The following ADGRL3 variants were observed in gnomAD, a reference collection of about 807,000 sequenced individuals.
The protein encoded by ADGRL3 is calcium-independent alpha-latrotoxin receptor 3.
Under a neutral mutation model 153.5 loss-of-function variants are expected in ADGRL3, and 62 were observed. That is an observed-to-expected ratio of 0.40 (90% CI 0.33 to 0.50). The LOEUF is 0.50. ADGRL3 is among the 20% of genes least tolerant of loss of function. ADGRL3 has a pLI of 0.47. For synonymous variants in ADGRL3, 710 were observed against 672.5 expected, an observed-to-expected ratio of 1.06 and a Z score of -0.86; for missense variants, 1,641 against 1,859.4, an observed-to-expected ratio of 0.88 and a Z score of 2.16.
intron 4 of ADGRL3, among the ~76,000 whole-genome samples, chr4:61,524,997 TACA>T (rs1173763988): frequency 1.3e-5 from 2 of 152,080 alleles, no homozygotes; most frequent in African/African-American, 2.4e-5. Flanking sequence ...TTCTTGTGCC[TACA>T]ACATCTATGG....
chr4:61,636,915 A>G (rs1292048734), intron 5 of ADGRL3, among the ~76,000 whole-genome samples: 1 of 152,088 alleles, frequency 6.6e-6, no homozygotes, highest in Non-Finnish European at 1.5e-5. Flanking sequence ...ATAAAAGTAA[A>G]ACGTAACAGT....
At chr4:61,733,756 C>G (rs1253572453) in intron 8 of ADGRL3, among the ~76,000 whole-genome samples, 1 of 152,150 alleles carries the variant, frequency 6.6e-6, no homozygotes, top group Non-Finnish European at 1.5e-5. Flanking sequence ...GTAGACTCTC[C>G]TTTGTTCTGC....
At chr4:61,270,587 G>A (rs146666512) in intron 1 of ADGRL3, among the ~76,000 whole-genome samples, 8 of 151,848 alleles carry the variant, frequency 5.3e-5, no homozygotes, top group African/African-American at 1.7e-4. Flanking sequence ...ATAACATAGC[G>A]ATACATTAGA....
rs1407987179 is a variant in ADGRL3 at position 61,669,705 on chromosome 4, TG to T, written c.474-7120del. ...TGTGTTTTTGCATAGCACATGCTTT[TG>T]TATAATATTATTTAATAAGTGCTAA... On this transcript the variant is annotated intron_variant, in intron 5 of 26. Transcript: ENST00000683033. 2.3e-4 allele frequency among the ~76,000 whole-genome samples: 35 copies of T among 152,336 alleles called. 2 individuals are homozygous for T. The highest frequency in any genetic ancestry group is 8.2e-4 in the African/African-American group (34 of 41,580).
intron 21 of ADGRL3, among the ~76,000 whole-genome samples, chr4:62,003,953 G>A (rs1306605719): frequency 1.3e-5 from 2 of 151,990 alleles, no homozygotes; most frequent in Non-Finnish European, 2.9e-5. Flanking sequence ...CTTCTGAATC[G>A]CTTCAGGGAT....
intron 2 of ADGRL3, among the ~76,000 whole-genome samples, chr4:61,483,713 G>C (rs2098157484): frequency 6.6e-6 from 1 of 151,720 alleles, no homozygotes; most frequent in African/African-American, 2.4e-5. Context: ...CTCCAGCCTG[G>C]GCAACAAGAG....
chr4:61,758,817 C>A lies in ADGRL3; in HGVS notation c.1399+25263C>A, dbSNP rs187185590. On this transcript the variant is annotated intron_variant, in intron 8 of 26. Transcript: ENST00000683033. ...TGGCATGATTTTGCAGTGGCTGGAA[C>A]CGCTTGTTCCTTTCCATGTTTAGTG... 2.9e-3 allele frequency among the ~76,000 whole-genome samples: 438 copies of A among 152,292 alleles called. 1 individual carries two copies. Among genetic ancestry groups the A allele is most frequent in the African/African-American group, 0.01 (421 of 41,562 alleles).
At chr4:61,801,795 C>G (rs918589506) in intron 8 of ADGRL3, among the ~76,000 whole-genome samples, 1 of 152,064 alleles carries the variant, frequency 6.6e-6, no homozygotes, top group Non-Finnish European at 1.5e-5. Flanking sequence ...AGTATATTAT[C>G]AAGACACAAC....
intron 8 of ADGRL3, among the ~76,000 whole-genome samples, chr4:61,766,993 G>A (rs1227540819): frequency 2.6e-5 from 4 of 152,050 alleles, no homozygotes; most frequent in Non-Finnish European, 5.9e-5. Context: ...GCTGTAGCAG[G>A]CGAGTGATAA....
At chr4:61,219,054 GC>G (rs370523573) in intron 1 of ADGRL3, among the ~76,000 whole-genome samples, 60 of 152,278 alleles carry the variant, frequency 3.9e-4, no homozygotes, top group African/African-American at 1.3e-3. Flanking sequence ...CTAAGCCACT[GC>G]CCTACTGCTT....
At position 61,709,418 on chromosome 4, in the gene ADGRL3, G is replaced by GTT. The variant is rs1332561878; in HGVS notation, c.584-21204_584-21203insTT. Among the ~76,000 whole-genome samples the GTT allele has an allele frequency of 7.4e-4, 113 of 152,166 alleles. 1 individual carries two copies. The highest frequency in any genetic ancestry group is 2.2e-3 in the Admixed American group (33 of 15,268). The stretch of plus-strand genomic sequence containing the variant: ...GTTTTCCTGTTTTATGTTTACCATT[G>GTT]ATCCTTCAGTCATGTTAATCATTTT... On this transcript the variant is annotated intron_variant, in intron 6 of 26. Coordinates refer to ENST00000683033, the MANE Select transcript of ADGRL3 (RefSeq NM_001387552.1).
intron 6 of ADGRL3, among the ~76,000 whole-genome samples, chr4:61,697,632 T>G (rs889088979): frequency 6.6e-6 from 1 of 151,630 alleles, no homozygotes; most frequent in Non-Finnish European, 1.5e-5. Context: ...TACTAATAAA[T>G]AGGCCTCAAT....
chr4:61,977,717 T>G (rs1257110694), intron 17 of ADGRL3, among the ~76,000 whole-genome samples: 1 of 152,178 alleles, frequency 6.6e-6, no homozygotes, highest in Non-Finnish European at 1.5e-5. Flanking sequence ...AGAAAAATCT[T>G]TGAAAGGATG....
chr4:61,365,029 A>G (rs2096369126), intron 1 of ADGRL3, among the ~76,000 whole-genome samples: 1 of 152,186 alleles, frequency 6.6e-6, no homozygotes, highest in Non-Finnish European at 1.5e-5. Context: ...TCTAAAAGAC[A>G]GAAAAAAATG....
intron 9 of ADGRL3, among the ~76,000 whole-genome samples, chr4:61,818,026 A>T (rs765977760): frequency 2.0e-5 from 3 of 152,132 alleles, no homozygotes; most frequent in Non-Finnish European, 4.4e-5. Context: ...TTTCAAAACC[A>T]ATCATGCCTT....
Position 61,718,332 on chromosome 4 carries a change from G to A in ADGRL3, c.584-12290G>A, listed in dbSNP as rs371456099. Among the ~76,000 whole-genome samples, 12 of 152,094 alleles carry A rather than the reference G, an allele frequency of 7.9e-5. No individual in the cohort carries two copies. The South Asian group carries it at 1.0e-3, about 13-fold the overall frequency. On this transcript the variant is annotated intron_variant, in intron 6 of 26. Coordinates refer to ENST00000683033, the MANE Select transcript of ADGRL3 (RefSeq NM_001387552.1). ...GAGCACCTGAGATAGAAAACCCTTGGATTTATTTAATAAATTGAAAATACT... is the reference window on the plus strand; with the variant it reads ...GAGCACCTGAGATAGAAAACCCTTGAATTTATTTAATAAATTGAAAATACT...
At chr4:61,432,136 A>G (rs2097363301) in intron 2 of ADGRL3, among the ~76,000 whole-genome samples, 1 of 152,220 alleles carries the variant, frequency 6.6e-6, no homozygotes, top group Non-Finnish European at 1.5e-5. Context: ...TCAAGATATA[A>G]TTGAAATTAC....
chr4:61,468,729 C>G (rs2097912481), intron 2 of ADGRL3, among the ~76,000 whole-genome samples: 1 of 152,012 alleles, frequency 6.6e-6, no homozygotes, highest in African/African-American at 2.4e-5. Context: ...ATAAAAAAGG[C>G]TCTGTTCCAG....
At chr4:61,467,873 T>C (rs141009996) in intron 2 of ADGRL3, among the ~76,000 whole-genome samples, 1,748 of 152,300 alleles carry the variant, frequency 0.011, 56 homozygotes, top group Admixed American at 0.062. Flanking sequence ...AATTCACATC[T>C]TAATGGTCCT....
Sources: allele counts gnomAD v4.1 joint callset (sites outside exome capture counted in the v4.1 genomes callset), GRCh38; gene constraint gnomAD v4.1.1; transcripts MANE v1.5; gene names NCBI Gene and HGNC (gene_info 2026-07-23, HGNC 2026-07-21).